The following ATXN7 variants were observed in gnomAD, a reference collection of about 807,000 sequenced individuals.
The protein encoded by ATXN7 is ataxin-7.
A neutral mutation model predicts 70.5 loss-of-function variants in ATXN7; 12 were observed. The observed-to-expected ratio is 0.17, with a 90% CI of 0.11 to 0.28. ATXN7 has a LOEUF of 0.28. ATXN7 is among the 10% of genes least tolerant of loss of function. The pLI is 1.00. For missense variants in ATXN7, 1,256 were observed against 1,131.7 expected, an observed-to-expected ratio of 1.11 and a Z score of -1.58; for synonymous variants, 498 against 448.7, an observed-to-expected ratio of 1.11 and a Z score of -1.39.
chr3:63,956,163 A>G (rs2075035621), intron 5 of ATXN7, among the ~76,000 whole-genome samples: 1 of 152,100 alleles, frequency 6.6e-6, no homozygotes, highest in Non-Finnish European at 1.5e-5. Flanking sequence ...TAATACCATG[A>G]TTTCTTGATG....
chr3:63,880,975 C>T (rs937177390), intron 1 of ATXN7, among the ~76,000 whole-genome samples: 9 of 152,208 alleles, frequency 5.9e-5, no homozygotes, highest in Non-Finnish European at 8.8e-5. Flanking sequence ...AACCCAACCC[C>T]TACTACTCAC....
intron 1 of ATXN7, among the ~76,000 whole-genome samples, chr3:63,867,573 C>T (rs1702470638): frequency 6.6e-6 from 1 of 152,148 alleles, no homozygotes; most frequent in South Asian, 2.1e-4. Flanking sequence ...TTAAAGTTAT[C>T]TTCAGGCTGG....
At chr3:63,984,304 C>T (rs1050292871) in intron 8 of ATXN7, among the ~76,000 whole-genome samples, 1 of 152,032 alleles carries the variant, frequency 6.6e-6, no homozygotes, top group Non-Finnish European at 1.5e-5. Context: ...TGGACACCCC[C>T]ACCCCAAGCC....
At chr3:63,954,359 A>T (rs554024701) in intron 5 of ATXN7, among the ~76,000 whole-genome samples, 1 of 152,226 alleles carries the variant, frequency 6.6e-6, no homozygotes, top group Admixed American at 6.5e-5. Context: ...AGGAAATTCC[A>T]GGCTCTCTGG....
At chr3:63,995,194 TG>T (rs1164285415) in intron 11 of ATXN7, among the ~76,000 whole-genome samples, 4 of 150,726 alleles carry the variant, frequency 2.7e-5, no homozygotes, top group African/African-American at 9.8e-5. Flanking sequence ...TATTGGGTCA[TG>T]GCATTTTCTC....
At chr3:63,864,914 G>A (rs1294647155) in intron 1 of ATXN7, 1 of 152,220 alleles carries the variant, frequency 6.6e-6, no homozygotes, top group African/African-American at 2.4e-5. Context: ...AGAGGTGGAT[G>A]AGGAAACAGG....
chr3:64,000,739 G>C lies in ATXN7; in HGVS notation c.*1272G>C, dbSNP rs1461176879. ...GCCCTGACACACACCCTCCTTTCTT[G>C]GGATTATACCAGCCATCTTCCTGAG... On this transcript the variant is annotated 3_prime_UTR_variant, in exon 13 of 13. Transcript: ENST00000674280. The C allele has an allele frequency of 6.6e-6, 1 of 151,984 alleles. No individual in the cohort carries two copies. The highest frequency in any genetic ancestry group is 6.6e-5 in the Admixed American group (1 of 15,262). The allele number at this position is 151,984 out of a possible 1,614,324, so 9.4% of individuals were successfully genotyped here.
intron 4 of ATXN7, among the ~76,000 whole-genome samples, chr3:63,935,086 T>C (rs1327356504): frequency 6.6e-6 from 1 of 152,212 alleles, no homozygotes; most frequent in Non-Finnish European, 1.5e-5. Context: ...CTTCAGTGTT[T>C]ACTGCATAGT....
chr3:63,897,691 G>A (rs895179809), intron 1 of ATXN7, among the ~76,000 whole-genome samples: 3 of 152,112 alleles, frequency 2.0e-5, no homozygotes, highest in East Asian at 1.9e-4. Context: ...ACATCTGCCC[G>A]ATAGCTGTGT....
chr3:63,968,683 A>G (rs2075265237), intron 5 of ATXN7, among the ~76,000 whole-genome samples: 1 of 152,038 alleles, frequency 6.6e-6, no homozygotes, highest in Admixed American at 6.6e-5. Flanking sequence ...AGAAAAGATG[A>G]TTTTTTTTAG....
chr3:63,989,167 G>A (rs1219452931), intron 9 of ATXN7, among the ~76,000 whole-genome samples: 1 of 152,204 alleles, frequency 6.6e-6, no homozygotes, highest in Non-Finnish European at 1.5e-5. Context: ...TGAGCTTTGT[G>A]GTTTCTGTGC....
intron 1 of ATXN7, among the ~76,000 whole-genome samples, chr3:63,885,785 G>A (rs969542734): frequency 3.3e-5 from 5 of 152,184 alleles, no homozygotes; most frequent in African/African-American, 1.2e-4. Context: ...GGGAGGCCAA[G>A]GTAGGTGAAT....
At chr3:63,913,371 G>T (rs1177622308) in intron 4 of ATXN7, 146 bp downstream of exon 4, 2 of 865,466 alleles carry the variant, frequency 2.3e-6, no homozygotes, top group Non-Finnish European at 3.6e-6. Flanking sequence ...GAGGGAGGGG[G>T]CAGAGCGCTT....
chr3:63,872,661 G>C (rs1403935926), intron 1 of ATXN7, among the ~76,000 whole-genome samples: 1 of 152,212 alleles, frequency 6.6e-6, no homozygotes, highest in Admixed American at 6.5e-5. Context: ...GGCAAATGCT[G>C]CCAAGTCATA....
At chr3:63,882,647 A>G (rs2107225720) in intron 1 of ATXN7, among the ~76,000 whole-genome samples, 3 of 152,106 alleles carry the variant, frequency 2.0e-5, no homozygotes, top group Admixed American at 2.0e-4. Context: ...TGGCCTCCCA[A>G]AGTGCTGGGA....
intron 4 of ATXN7, among the ~76,000 whole-genome samples, chr3:63,935,060 G>C (rs1256116888): frequency 2.0e-5 from 3 of 152,142 alleles, no homozygotes; most frequent in Admixed American, 2.0e-4. Flanking sequence ...CACAGTGCCT[G>C]GTATGTAGAA....
intron 4 of ATXN7, among the ~76,000 whole-genome samples, chr3:63,941,973 G>T (rs751421867): frequency 3.9e-4 from 59 of 152,208 alleles, no homozygotes; most frequent in Admixed American, 3.5e-3. Flanking sequence ...AGTAAAACCT[G>T]TTACGTGGAG....
At chr3:63,929,208 A>G (rs1704836898) in intron 4 of ATXN7, among the ~76,000 whole-genome samples, 1 of 152,170 alleles carries the variant, frequency 6.6e-6, no homozygotes, top group African/African-American at 2.4e-5. Flanking sequence ...ACATTTTAGA[A>G]TAATGCATGG....
At chr3:63,882,470 C>T (rs1315106101) in intron 1 of ATXN7, among the ~76,000 whole-genome samples, 4 of 151,500 alleles carry the variant, frequency 2.6e-5, no homozygotes, top group Admixed American at 6.6e-5. Context: ...CTGCAACCTC[C>T]GCCTCACAGG....
Sources: allele counts gnomAD v4.1 joint callset (sites outside exome capture counted in the v4.1 genomes callset), GRCh38; gene constraint gnomAD v4.1.1; transcripts MANE v1.5; gene names NCBI Gene and HGNC (gene_info 2026-07-23, HGNC 2026-07-21).